Variants in TTC28 observed in about 807,000 individuals in gnomAD.
TTC28 encodes tetratricopeptide repeat protein 28.
Under a neutral mutation model 198.0 loss-of-function variants are expected in TTC28, and 61 were observed. The ratio of observed to expected loss-of-function variants is 0.31; its 90% CI spans 0.25 to 0.38. TTC28 has a LOEUF of 0.38. Among genes scored for constraint, TTC28 ranks in the 10% least tolerant of loss-of-function variants. TTC28 has a pLI of 1.00. For missense variants in TTC28, 2,678 were observed against 3,164.0 expected (o/e 0.85, Z 3.69); for synonymous variants, 1,171 against 1,297.8 (o/e 0.90, Z 2.10).
intron 12 of TTC28, among the ~76,000 whole-genome samples, chr22:28,089,389 T>G (rs560112848): frequency 5.9e-4 from 89 of 151,798 alleles, no homozygotes; most frequent in African/African-American, 2.1e-3. Context: ...TTGGAAATCA[T>G]CATTCTCAGT....
chr22:28,593,258 G>C (rs9625509), intron 2 of TTC28, among the ~76,000 whole-genome samples: 18,061 of 152,154 alleles, frequency 0.12, 1,192 homozygotes, highest in African/African-American at 0.14. Flanking sequence ...AAAGTCTTCA[G>C]AGGTTCGTGT....
At chr22:28,670,746 T>C (rs1165527188) in intron 1 of TTC28, among the ~76,000 whole-genome samples, 1 of 150,670 alleles carries the variant, frequency 6.6e-6, no homozygotes, top group African/African-American at 2.5e-5. Flanking sequence ...CTGGGCCATA[T>C]GGCAAGTCTA....
chr22:28,650,376 CA>C (rs1344104625), intron 1 of TTC28, among the ~76,000 whole-genome samples: 2 of 152,168 alleles, frequency 1.3e-5, no homozygotes. Context: ...ATGAAAGGTG[CA>C]AATCTCTTAG....
intron 12 of TTC28, among the ~76,000 whole-genome samples, chr22:28,076,747 T>C (rs1941182433): frequency 6.6e-6 from 1 of 152,184 alleles, no homozygotes; most frequent in African/African-American, 2.4e-5. Flanking sequence ...ACTGCTTTCA[T>C]GTATTTATTT....
intron 2 of TTC28, among the ~76,000 whole-genome samples, chr22:28,623,801 CAAT>C (rs1389110481): frequency 5.3e-5 from 8 of 151,532 alleles, no homozygotes; most frequent in Admixed American, 2.6e-4. Context: ...ATCCATGGAT[CAAT>C]AATGTGTTTA....
intron 2 of TTC28, among the ~76,000 whole-genome samples, chr22:28,570,895 G>A (rs2050048980): frequency 6.6e-6 from 1 of 152,190 alleles, no homozygotes; most frequent in Non-Finnish European, 1.5e-5. Flanking sequence ...AGGCACTACA[G>A]AGGAGTGTGG....
chr22:28,329,012 A>G (rs538648518), intron 2 of TTC28, among the ~76,000 whole-genome samples: 1 of 152,052 alleles, frequency 6.6e-6, no homozygotes, highest in African/African-American at 2.4e-5. Context: ...TCAGAGAGGT[A>G]AAGAAACTTA....
intron 2 of TTC28, among the ~76,000 whole-genome samples, chr22:28,507,074 C>T (rs1490886207): frequency 6.6e-6 from 1 of 152,182 alleles, no homozygotes; most frequent in Non-Finnish European, 1.5e-5. Flanking sequence ...GCTGAAATGA[C>T]AGAAGTAGAC....
chr22:28,387,159 C>T (rs1281863346), intron 2 of TTC28, among the ~76,000 whole-genome samples: 1 of 152,200 alleles, frequency 6.6e-6, no homozygotes, highest in Non-Finnish European at 1.5e-5. Flanking sequence ...CATGTCCCTA[C>T]AAAGGACGTG....
chr22:28,357,382 C>A (rs374373843), intron 2 of TTC28, among the ~76,000 whole-genome samples: 1 of 133,762 alleles, frequency 7.5e-6, no homozygotes, highest in African/African-American at 2.9e-5. Context: ...GTGGTGCAAT[C>A]ATAGCTCACT....
chr22:28,171,059 A>C (rs1374610281), intron 5 of TTC28, among the ~76,000 whole-genome samples: 1 of 149,966 alleles, frequency 6.7e-6, no homozygotes, highest in Non-Finnish European at 1.5e-5. Flanking sequence ...AATGAAACTG[A>C]CTCTATGCTG....
At chr22:28,000,249 C>A in intron 15 of TTC28, 1 of 152,290 alleles carries the variant, frequency 6.6e-6, no homozygotes. Context: ...TATTATCCAG[C>A]CACAAAAATG....
intron 5 of TTC28, among the ~76,000 whole-genome samples, chr22:28,189,594 T>C (rs1924538774): frequency 6.6e-6 from 1 of 151,386 alleles, no homozygotes; most frequent in Non-Finnish European, 1.5e-5. Flanking sequence ...AAAAAAGACC[T>C]TCTGTGAAAT....
At chr22:28,279,547 T>C (rs1601570957) in intron 5 of TTC28, among the ~76,000 whole-genome samples, 1 of 152,288 alleles carries the variant, frequency 6.6e-6, no homozygotes, top group African/African-American at 2.4e-5. Flanking sequence ...AGTTTTTGTA[T>C]TTTTAGTAGA....
At chr22:28,141,631 C>G (rs1943338730) in intron 6 of TTC28, among the ~76,000 whole-genome samples, 1 of 152,124 alleles carries the variant, frequency 6.6e-6, no homozygotes, top group East Asian at 1.9e-4. Context: ...GAGTAGCTGT[C>G]TCCTAGAAAC....
chr22:28,124,122 A>G (rs1248736168), intron 6 of TTC28, among the ~76,000 whole-genome samples: 3 of 152,176 alleles, frequency 2.0e-5, no homozygotes, highest in Non-Finnish European at 2.9e-5. Context: ...TCTGAGAATC[A>G]CTGTTGCCTC....
intron 2 of TTC28, among the ~76,000 whole-genome samples, chr22:28,503,617 A>G (rs1250898516): frequency 6.6e-6 from 1 of 152,222 alleles, no homozygotes. Flanking sequence ...TCAAAATGTT[A>G]CATAAAAATA....
chr22:28,181,285 A>G (rs571799231), intron 5 of TTC28, among the ~76,000 whole-genome samples: 1 of 152,338 alleles, frequency 6.6e-6, no homozygotes, highest in Admixed American at 6.5e-5. Context: ...TCAAATCAAG[A>G]ATCTGTAAAT....
At chr22:28,466,820 T>TACACACACAC (rs58512456) in intron 2 of TTC28, among the ~76,000 whole-genome samples, 2,940 of 143,844 alleles carry the variant, frequency 0.02, 38 homozygotes, top group African/African-American at 0.038. Flanking sequence ...TATACATACA[T>TACACACACAC]ACACACACAC....
Sources: allele counts gnomAD v4.1 joint callset (sites outside exome capture counted in the v4.1 genomes callset), GRCh38; gene constraint gnomAD v4.1.1; transcripts MANE v1.5; gene names NCBI Gene and HGNC (gene_info 2026-07-23, HGNC 2026-07-21).